Variants in SNX10 observed in about 807,000 individuals in gnomAD.
SNX10 encodes the protein sorting nexin-10.
SNX10 carries 25 observed loss-of-function variants against 28.5 expected under a neutral mutation model. The ratio of observed to expected loss-of-function variants is 0.88; its 90% CI spans 0.64 to 1.22. SNX10 has a LOEUF of 1.22. Ranked by LOEUF, SNX10 falls within the 50% of genes most tolerant of loss-of-function variation. The pLI, the probability that SNX10 is intolerant of heterozygous loss-of-function variation, is 0.00. For missense variants in SNX10, 223 were observed against 242.6 expected, an observed-to-expected ratio of 0.92 and a Z score of 0.54; for synonymous variants, 62 against 81.4, an observed-to-expected ratio of 0.76 and a Z score of 1.28.
intron 1 of SNX10, among the ~76,000 whole-genome samples, chr7:26,295,900 GCACAGGCAGCCATT>G (rs1786088423): frequency 6.6e-6 from 1 of 152,268 alleles, no homozygotes; most frequent in South Asian, 2.1e-4. Flanking sequence ...ATTGGTTGAG[GCACAGGCAGCCATT>G]CAGACCTCTT....
At chr7:26,369,298 T>G (rs1789413929) in intron 5 of SNX10, among the ~76,000 whole-genome samples, 1 of 152,170 alleles carries the variant, frequency 6.6e-6, no homozygotes, top group Non-Finnish European at 1.5e-5. Flanking sequence ...GTGGAAAATA[T>G]GGCACAAACA....
chr7:26,364,198 C>G lies in SNX10; in HGVS notation c.112-337C>G, dbSNP rs576051251. ...AAAATGCAACGGATGAACCTGAGCT[C>G]CTACCTGTCATTTATATGTTAGGAT... On this transcript the variant is annotated intron_variant, in intron 3 of 6. Transcript: ENST00000338523. This position sits in a 1 kb window ranked among gnomAD's most constrained non-coding sequence, Gnocchi z 4.9. The G allele has an allele frequency of 2.3e-6, 1 of 433,706 alleles. No homozygotes were observed. The highest frequency in any genetic ancestry group is 2.1e-5 in the African/African-American group (1 of 47,138). The allele number at this position is 433,706 out of a possible 1,614,324, so 26.9% of individuals were successfully genotyped here.
chr7:26,364,451 G>A lies in SNX10; in HGVS notation c.112-84G>A, dbSNP rs2253569. ...GGTTTAAATCCTATTTAGAGTGAAT[G>A]TTGAGATCATATTGTGAATTATAGA... On this transcript the variant is annotated intron_variant, in intron 3 of 6. Transcript: ENST00000338523. This position sits in a 1 kb window ranked among gnomAD's most constrained non-coding sequence, Gnocchi z 4.9. 735,430 of 1,472,778 alleles carry A rather than the reference G, an allele frequency of 0.5. 187,144 individuals are homozygous for A. The highest frequency in any genetic ancestry group is 0.56 in the South Asian group (38,416 of 68,758). 91.2% of individuals were successfully genotyped at this position (1,472,778 alleles called of 1,614,324 possible).
At chr7:26,368,396 A>G (rs894478108) in intron 5 of SNX10, among the ~76,000 whole-genome samples, 1 of 152,180 alleles carries the variant, frequency 6.6e-6, no homozygotes, top group African/African-American at 2.4e-5. Context: ...TATAAACTTA[A>G]AGTCCCTTCT....
At position 26,374,213 on chromosome 7, in the gene SNX10, G is replaced by A. The variant is rs570784487; in HGVS notation, c.*1641G>A. 6.6e-6 allele frequency: 1 copy of A among 151,836 alleles called. No individual in the cohort carries two copies. The highest frequency in any genetic ancestry group is 2.4e-5 in the African/African-American group (1 of 41,452). The allele number at this position is 151,836 out of a possible 1,614,324, so 9.4% of individuals were successfully genotyped here. A position where few individuals can be genotyped will look rare whatever the true frequency, so the allele number is the denominator to read the frequency against. The stretch of plus-strand genomic sequence containing the variant: ...AAAAACACATACTATGCCACCAATT[G>A]TCATATTATTTTTAGATGATGTAAC... On this transcript the variant is annotated 3_prime_UTR_variant, in exon 7 of 7. Coordinates refer to ENST00000338523, the MANE Select transcript of SNX10 (RefSeq NM_013322.3).
chr7:26,371,313 G>A (rs992664238), intron 5 of SNX10, among the ~76,000 whole-genome samples: 5 of 152,020 alleles, frequency 3.3e-5, no homozygotes, highest in African/African-American at 4.8e-5. Context: ...ATGAGCTGTC[G>A]TAAACATGCC....
At chr7:26,346,558 C>T (rs1788394994) in intron 2 of SNX10, 92 bp downstream of exon 2, 1 of 976,752 alleles carries the variant, frequency 1.0e-6, no homozygotes, top group African/African-American at 1.6e-5. Flanking sequence ...CCATGGGTTG[C>T]TTGAGGAGGT....
rs10807832 is a variant in SNX10 at position 26,373,468 on chromosome 7, A to G, written c.*896A>G. 4 of 151,978 alleles carry G rather than the reference A, an allele frequency of 2.6e-5. No individual in the cohort carries two copies. The highest frequency in any genetic ancestry group is 4.1e-4 in the South Asian group (2 of 4,836). 9.4% of individuals were successfully genotyped at this position (151,978 alleles called of 1,614,324 possible). A position where few individuals can be genotyped will look rare whatever the true frequency, so the allele number is the denominator to read the frequency against. ...AAGATTAATAAATTTAATTTTACCAATAAATATTCCCATAATTTAGAAAAG... is the reference window on the plus strand; with the variant it reads ...AAGATTAATAAATTTAATTTTACCAGTAAATATTCCCATAATTTAGAAAAG... On this transcript the variant is annotated 3_prime_UTR_variant, in exon 7 of 7. Transcript: ENST00000338523. The surrounding 1 kb of genome is among the most constrained non-coding windows in gnomAD (Gnocchi z 4.2).
At chr7:26,328,854 A>G (rs1200238557) in intron 1 of SNX10, among the ~76,000 whole-genome samples, 1 of 152,080 alleles carries the variant, frequency 6.6e-6, no homozygotes, top group East Asian at 1.9e-4. Flanking sequence ...AATGCATGCT[A>G]TGGTTCCTCT....
Position 26,312,936 on chromosome 7 carries a change from A to C in SNX10, c.-24+20850A>C, listed in dbSNP as rs371842333. Among the ~76,000 whole-genome samples, 19 of 152,364 alleles carry C rather than the reference A, an allele frequency of 1.2e-4. 1 individual carries two copies. Among genetic ancestry groups the C allele is most frequent in the East Asian group, 1.2e-3 (6 of 5,194 alleles). On this transcript the variant is annotated intron_variant, in intron 1 of 6. Coordinates refer to ENST00000338523, the MANE Select transcript of SNX10 (RefSeq NM_013322.3). ...AAACATTTTGCAAACGGATCATGTT[A>C]GGGAAGATACAGGAAAACAACCCAC...
chr7:26,354,700 A>T (rs13309520), intron 2 of SNX10, among the ~76,000 whole-genome samples: 84 of 30,934 alleles, frequency 2.7e-3, no homozygotes, highest in East Asian at 7.1e-3. Context: ...GTTTTTTTTT[A>T]AAATATATTC....
At position 26,328,399 on chromosome 7, in the gene SNX10, C is replaced by A. The variant is rs1040410193; in HGVS notation, c.-23-18021C>A. Among the ~76,000 whole-genome samples the A allele has an allele frequency of 6.6e-5, 10 of 152,286 alleles. 1 individual carries two copies. In the South Asian group the frequency reaches 2.1e-3, roughly 32 times the overall value. The stretch of plus-strand genomic sequence containing the variant: ...CATGTGTCTACCAGCCTGGTTTGGA[C>A]ACAGTAAGTTTGAGGTGTGTGCAGA... On this transcript the variant is annotated intron_variant, in intron 1 of 6. Coordinates refer to ENST00000338523, the MANE Select transcript of SNX10 (RefSeq NM_013322.3).
At chr7:26,297,829 A>G (rs1406096342) in intron 1 of SNX10, among the ~76,000 whole-genome samples, 1 of 152,172 alleles carries the variant, frequency 6.6e-6, no homozygotes, top group Non-Finnish European at 1.5e-5. Context: ...ATGTTGCTTT[A>G]TGTGCCTTAG....
rs78629524 is a variant in SNX10 at position 26,356,284 on chromosome 7, A to G, written c.25-4691A>G. 7.3e-3 allele frequency among the ~76,000 whole-genome samples: 1,111 copies of G among 152,324 alleles called. 12 individuals carry two copies. The highest frequency in any genetic ancestry group is 0.026 in the African/African-American group (1,061 of 41,562). ...TAATTCCACTCTGCCTGGCTTTCTCATACTACATATAGTCATTAGGCCCAA... is the reference window on the plus strand; with the variant it reads ...TAATTCCACTCTGCCTGGCTTTCTCGTACTACATATAGTCATTAGGCCCAA... On this transcript the variant is annotated intron_variant, in intron 2 of 6. Coordinates refer to ENST00000338523, the MANE Select transcript of SNX10 (RefSeq NM_013322.3).
chr7:26,348,971 T>A (rs1788493400), intron 2 of SNX10, among the ~76,000 whole-genome samples: 1 of 152,224 alleles, frequency 6.6e-6, no homozygotes, highest in Non-Finnish European at 1.5e-5. Flanking sequence ...AACCTTTAAC[T>A]ATAAAAGATA....
intron 6 of SNX10, 130 bp downstream of exon 6, chr7:26,372,163 A>C: frequency 1.9e-6 from 1 of 540,334 alleles, no homozygotes; most frequent in East Asian, 3.1e-5. Flanking sequence ...TGAAAAAATT[A>C]ATTGACTGAG....
intron 1 of SNX10, among the ~76,000 whole-genome samples, chr7:26,298,637 A>G (rs1166738452): frequency 6.6e-6 from 1 of 152,244 alleles, no homozygotes; most frequent in Non-Finnish European, 1.5e-5. Flanking sequence ...AGTTGCTCCA[A>G]ATGAGCCAAA....
At chr7:26,325,459 GCACACCAC>G (rs1787470200) in intron 1 of SNX10, among the ~76,000 whole-genome samples, 1 of 150,108 alleles carries the variant, frequency 6.7e-6, no homozygotes. Context: ...GACTACAGGT[GCACACCAC>G]CACACCCGCT....
chr7:26,341,554 G>A (rs923556524), intron 1 of SNX10, among the ~76,000 whole-genome samples: 4 of 151,482 alleles, frequency 2.6e-5, no homozygotes, highest in Non-Finnish European at 5.9e-5. Context: ...GAGTGCAGTG[G>A]TGTGATCTTG....
Sources: gnomAD v4.1 joint callset for allele counts (sites outside exome capture counted in the v4.1 genomes callset) on GRCh38, gnomAD v4.1.1 for gene constraint, Gnocchi (gnomAD v3.1) non-coding constraint, MANE v1.5 for transcripts, NCBI Gene and HGNC (gene_info 2026-07-23, HGNC 2026-07-21) for gene names.